ALDH1A2: variants seen among roughly 807,000 people sequenced by gnomAD.
The protein encoded by ALDH1A2 is aldehyde dehydrogenase 1 family member A2.
A neutral mutation model predicts 60.3 loss-of-function variants in ALDH1A2; 27 were observed. That is an observed-to-expected ratio of 0.45 (90% CI 0.33 to 0.62). The LOEUF (loss-of-function observed/expected upper bound fraction) is 0.62, where lower values mean the gene tolerates loss of function less well. Ranked by LOEUF, ALDH1A2 falls within the 20% of genes least tolerant of loss-of-function variation. ALDH1A2 has a pLI of 0.02. For missense variants in ALDH1A2, 581 were observed against 643.8 expected, an observed-to-expected ratio of 0.90 and a Z score of 1.06; for synonymous variants, 289 against 232.4, an observed-to-expected ratio of 1.24 and a Z score of -2.21.
At chr15:58,032,660 A>C (rs1896271276) in intron 1 of ALDH1A2, among the ~76,000 whole-genome samples, 1 of 152,056 alleles carries the variant, frequency 6.6e-6, no homozygotes, top group Admixed American at 6.6e-5. Context: ...CATTTGATCA[A>C]GCAATCCCAC....
At chr15:58,035,684 G>A (rs1170484645) in intron 1 of ALDH1A2, among the ~76,000 whole-genome samples, 1 of 151,654 alleles carries the variant, frequency 6.6e-6, no homozygotes, top group Non-Finnish European at 1.5e-5. Flanking sequence ...TTATTCAGAA[G>A]TGTGTTCTTT....
At chr15:58,059,630 T>C (rs1175774141) in intron 1 of ALDH1A2, among the ~76,000 whole-genome samples, 2 of 152,238 alleles carry the variant, frequency 1.3e-5, no homozygotes, top group Non-Finnish European at 2.9e-5. Flanking sequence ...TAGGCTCAGC[T>C]AATCGGGCAT....
chr15:57,990,993 T>G (rs1894878740), intron 7 of ALDH1A2, among the ~76,000 whole-genome samples: 1 of 152,110 alleles, frequency 6.6e-6, no homozygotes, highest in African/African-American at 2.4e-5. Flanking sequence ...ATTTCATTTC[T>G]CCAGTCTTTT....
At chr15:58,001,734 T>C (rs575679322) in intron 4 of ALDH1A2, among the ~76,000 whole-genome samples, 1 of 152,048 alleles carries the variant, frequency 6.6e-6, no homozygotes, top group Admixed American at 6.6e-5. Context: ...CAGCCTGATA[T>C]AAAAACAGTC....
intron 4 of ALDH1A2, among the ~76,000 whole-genome samples, chr15:58,001,034 T>TAAAAAAAAAAAAAAAAAAAAA (rs10641902): frequency 7.9e-6 from 1 of 126,238 alleles, no homozygotes; most frequent in Non-Finnish European, 1.6e-5. Flanking sequence ...TCAAAATTGT[T>TAAAAAAAAAAAAAAAAAAAAA]AAAAAAAAAA....
intron 5 of ALDH1A2, among the ~76,000 whole-genome samples, chr15:57,993,961 T>C (rs1336212334): frequency 6.6e-6 from 1 of 152,198 alleles, no homozygotes; most frequent in Admixed American, 6.5e-5. Flanking sequence ...ACCCAATTTC[T>C]TTTCCCCTTA....
intron 4 of ALDH1A2, among the ~76,000 whole-genome samples, chr15:57,996,728 C>A (rs1227371992): frequency 1.3e-5 from 2 of 151,868 alleles, no homozygotes; most frequent in African/African-American, 4.8e-5. Flanking sequence ...TTCAGATTTT[C>A]AAAAATATTG....
chr15:58,048,878 A>G (rs762794442), intron 1 of ALDH1A2, among the ~76,000 whole-genome samples: 17 of 151,978 alleles, frequency 1.1e-4, no homozygotes, highest in African/African-American at 4.1e-4. Flanking sequence ...GAGTTTTAGC[A>G]TATGTACACC....
At chr15:57,971,453 TCTCA>T (rs1242467293) in intron 7 of ALDH1A2, among the ~76,000 whole-genome samples, 1 of 152,182 alleles carries the variant, frequency 6.6e-6, no homozygotes, top group Non-Finnish European at 1.5e-5. Context: ...TAAGACAGGG[TCTCA>T]CTCTCTTGCC....
Position 58,065,612 on chromosome 15 carries a change from C to G in ALDH1A2, c.39G>C (p.Lys13Asn). 6.2e-7 allele frequency: 1 copy of G among 1,609,258 alleles called. No individual in the cohort carries two copies. Among genetic ancestry groups the G allele is most frequent in the Non-Finnish European group, 8.5e-7 (1 of 1,177,544 alleles). Residue 13 changes from lysine to asparagine, a missense_variant, in exon 1 of 13, where the codon AAG (lysine) becomes AAC (asparagine). By Grantham distance (94) the Lys-to-Asn change is moderately conservative. Around this residue, in one of 2 missense-constraint regions of ALDH1A2, gnomAD observed 206 missense variants for 174.1 expected, o/e 1.18. Transcript: ENST00000249750. ...SSKIEMPGEV[K>N]ADPAALMASL... Reference sequence around the variant, plus strand: ...ACGCCATGAGGGCGGCGGGGTCGGCCTTCACCTCGCCGGGCATCTCTATCT... The same window carrying G: ...ACGCCATGAGGGCGGCGGGGTCGGCGTTCACCTCGCCGGGCATCTCTATCT...
chr15:57,982,476 A>G (rs1270848503), intron 7 of ALDH1A2, among the ~76,000 whole-genome samples: 5 of 152,110 alleles, frequency 3.3e-5, no homozygotes, highest in Non-Finnish European at 5.9e-5. Flanking sequence ...TCAAACTTTC[A>G]TTTTAAGAAA....
chr15:58,024,042 G>C (rs1896005328), intron 1 of ALDH1A2, among the ~76,000 whole-genome samples: 2 of 152,150 alleles, frequency 1.3e-5, no homozygotes, highest in East Asian at 1.9e-4. Flanking sequence ...GCAGTGAGCT[G>C]AGATTGCACC....
chr15:58,007,436 A>G (rs1399780351), intron 4 of ALDH1A2, among the ~76,000 whole-genome samples: 4 of 152,006 alleles, frequency 2.6e-5, no homozygotes, highest in African/African-American at 7.2e-5. Flanking sequence ...AATCTCCATA[A>G]GAAGAGAATT....
chr15:57,989,464 T>C (rs1894820773), intron 7 of ALDH1A2, among the ~76,000 whole-genome samples: 1 of 152,166 alleles, frequency 6.6e-6, no homozygotes, highest in Admixed American at 6.5e-5. Flanking sequence ...AAATGGGCTT[T>C]GAAAAACCAA....
chr15:57,980,598 C>T (rs1007508643), intron 7 of ALDH1A2: 9 of 258,834 alleles, frequency 3.5e-5, no homozygotes, highest in South Asian at 1.3e-4. Context: ...TTCTTGACCT[C>T]GGCTGACAGC....
At chr15:57,979,381 G>T (rs1409602321) in intron 7 of ALDH1A2, among the ~76,000 whole-genome samples, 3 of 152,182 alleles carry the variant, frequency 2.0e-5, no homozygotes, top group Admixed American at 1.3e-4. Context: ...AAGAGGCAAG[G>T]CAACTGGAAA....
rs150459807 is a variant in ALDH1A2, at chr15:57,977,508, G to T, written c.799-11681C>A. Among the ~76,000 whole-genome samples, 729 of 152,280 alleles carry T rather than the reference G, an allele frequency of 4.8e-3. 3 individuals carry two copies. Among genetic ancestry groups the T allele is most frequent in the Middle Eastern group, 0.014 (4 of 294 alleles). The stretch of plus-strand genomic sequence containing the variant: ...CTTGGATTTTGTTAGGTTTGTCAAA[G>T]ATCAGATGGTTGTAGATGTATGGTG... On this transcript the variant is annotated intron_variant, in intron 7 of 12. Transcript: ENST00000249750.
intron 12 of ALDH1A2, among the ~76,000 whole-genome samples, chr15:57,955,845 C>A (rs1225802671): frequency 1.3e-5 from 2 of 152,202 alleles, no homozygotes; most frequent in Admixed American, 6.5e-5. Flanking sequence ...CACATCTCTT[C>A]TCTATTCTCC....
chr15:57,988,985 G>A (rs1446459826), intron 7 of ALDH1A2, among the ~76,000 whole-genome samples: 1 of 149,718 alleles, frequency 6.7e-6, no homozygotes, highest in African/African-American at 2.5e-5. Flanking sequence ...TAGCCAACAT[G>A]GTGAAACCCC....
Sources: allele counts gnomAD v4.1 joint callset (sites outside exome capture counted in the v4.1 genomes callset), GRCh38; gene constraint gnomAD v4.1.1; regional missense constraint gnomAD v4.1.1; transcripts MANE v1.5; gene names NCBI Gene and HGNC (gene_info 2026-07-23, HGNC 2026-07-21).